SMIM35: variants seen among roughly 807,000 people sequenced by gnomAD.
SMIM35 encodes small integral membrane protein 35, also known as TMPRSS4 antisense RNA 1 (non-protein coding).
chr11:118,034,930 A>G (rs1180989181), intron 1 of SMIM35, among the ~76,000 whole-genome samples: 1 of 151,646 alleles, frequency 6.6e-6, no homozygotes. Flanking sequence ...GGTTATGAAT[A>G]TAAGTGGTGA....
chr11:118,083,799 TA>T (rs1343256656), intron 1 of SMIM35, among the ~76,000 whole-genome samples: 1 of 152,162 alleles, frequency 6.6e-6, no homozygotes, highest in Admixed American at 6.5e-5. Flanking sequence ...CTCACACCTG[TA>T]ATCCCGCTTT....
At position 118,086,770 on chromosome 11, in the gene SMIM35, CAA is replaced by C. The variant is rs1399841829; in HGVS notation, c.-15_-14del. ...CCTTACCTGTCATGGCTGAGACATC[CAA>C]GAGAGAGAGCCCTGTTGCCAGCGCA... On this transcript the variant is annotated 5_prime_UTR_variant, in exon 1 of 5. Transcript: ENST00000689828. 2 of 152,866 alleles carry C rather than the reference CAA, an allele frequency of 1.3e-5. No homozygotes were observed. Among genetic ancestry groups the C allele is most frequent in the African/African-American group, 4.8e-5 (2 of 41,574 alleles). 9.5% of individuals were successfully genotyped at this position (152,866 alleles called of 1,614,324 possible). A position where few individuals can be genotyped will look rare whatever the true frequency, so the allele number is the denominator to read the frequency against.
At chr11:118,074,088 T>G (rs1006529902) in intron 1 of SMIM35, among the ~76,000 whole-genome samples, 1 of 152,078 alleles carries the variant, frequency 6.6e-6, no homozygotes, top group African/African-American at 2.4e-5. Context: ...GGGGCTTTCT[T>G]GAAGAAAAAG....
intron 1 of SMIM35, among the ~76,000 whole-genome samples, chr11:118,030,717 G>A (rs773310777): frequency 1.3e-5 from 2 of 151,986 alleles, no homozygotes; most frequent in Non-Finnish European, 2.9e-5. Context: ...GAAGAGGAAG[G>A]CATAGGGAAT....
At chr11:118,069,390 C>A (rs1325317665) in intron 1 of SMIM35, among the ~76,000 whole-genome samples, 1 of 152,088 alleles carries the variant, frequency 6.6e-6, no homozygotes, top group Non-Finnish European at 1.5e-5. Context: ...TCTCTAACCC[C>A]CTCTCCCTGC....
At chr11:118,015,903 C>A in intron 1 of SMIM35, 94 bp from the exon 2 acceptor site, 1 of 398,834 alleles carries the variant, frequency 2.5e-6, no homozygotes, top group Non-Finnish European at 4.4e-6. Flanking sequence ...CCACTGCCTA[C>A]CAACATAACT....
At chr11:118,018,112 G>A (rs1021983780) in intron 1 of SMIM35, among the ~76,000 whole-genome samples, 1 of 152,160 alleles carries the variant, frequency 6.6e-6, no homozygotes, top group African/African-American at 2.4e-5. Context: ...GTACAAATGA[G>A]GCAGGAGCAT....
intron 1 of SMIM35, chr11:118,059,518 G>A (rs1944366172): frequency 6.6e-6 from 1 of 152,252 alleles, no homozygotes; most frequent in African/African-American, 2.4e-5. Flanking sequence ...CAGAATGTGT[G>A]GAAGGTCTCT....
chr11:118,020,987 C>T (rs2058224119), intron 1 of SMIM35, among the ~76,000 whole-genome samples: 2 of 149,988 alleles, frequency 1.3e-5, no homozygotes, highest in Non-Finnish European at 3.0e-5. Flanking sequence ...ACTGGGATAT[C>T]TTCTTTAACC....
chr11:118,061,723 C>G (rs960841114), intron 1 of SMIM35, among the ~76,000 whole-genome samples: 1 of 152,136 alleles, frequency 6.6e-6, no homozygotes, highest in Non-Finnish European at 1.5e-5. Context: ...CTTGGATCTA[C>G]GGGGCCCATT....
chr11:118,027,096 C>T (rs1432140523), intron 1 of SMIM35, among the ~76,000 whole-genome samples: 4 of 135,700 alleles, frequency 2.9e-5, no homozygotes, highest in African/African-American at 8.4e-5. Context: ...GGCGCAATCT[C>T]GGCTCACTGC....
At chr11:118,031,027 A>G (rs1457654574) in intron 1 of SMIM35, among the ~76,000 whole-genome samples, 2 of 152,162 alleles carry the variant, frequency 1.3e-5, no homozygotes, top group African/African-American at 4.8e-5. Context: ...ATCAATATCG[A>G]TGTTGATTAC....
intron 1 of SMIM35, among the ~76,000 whole-genome samples, chr11:118,053,141 G>C (rs909136461): frequency 6.6e-6 from 1 of 152,040 alleles, no homozygotes; most frequent in Non-Finnish European, 1.5e-5. Flanking sequence ...CCCCCATCTC[G>C]ACTAAAAATA....
At chr11:118,078,360 C>G (rs1944858172) in intron 1 of SMIM35, among the ~76,000 whole-genome samples, 1 of 152,202 alleles carries the variant, frequency 6.6e-6, no homozygotes, top group African/African-American at 2.4e-5. Flanking sequence ...AAGGAGAAGC[C>G]ACTGTCCAAG....
intron 1 of SMIM35, among the ~76,000 whole-genome samples, chr11:118,063,174 A>G (rs1197916938): frequency 1.3e-5 from 2 of 152,246 alleles, no homozygotes; most frequent in East Asian, 1.9e-4. Context: ...TGCTCTGTCT[A>G]TGGAGTAGCC....
intron 1 of SMIM35, among the ~76,000 whole-genome samples, chr11:118,078,747 C>A (rs946084017): frequency 2.0e-5 from 3 of 152,176 alleles, no homozygotes; most frequent in Non-Finnish European, 4.4e-5. Context: ...AGGTCACTAA[C>A]TGCAGAATCA....
intron 1 of SMIM35, among the ~76,000 whole-genome samples, chr11:118,064,612 AG>A (rs1331958770): frequency 1.3e-5 from 2 of 149,704 alleles, no homozygotes; most frequent in Admixed American, 6.7e-5. Context: ...CTGTTTTTTC[AG>A]GGGTGGAGAT....
rs57912361 is a variant in SMIM35 at position 118,053,307 on chromosome 11, AACACACACACACACACACACACAC to A, written c.7+33420_7+33443del. Among the ~76,000 whole-genome samples, 199 of 142,100 alleles carry A rather than the reference AACACACACACACACACACACACAC, an allele frequency of 1.4e-3. 4 individuals carry two copies. Among genetic ancestry groups the A allele is most frequent in the Admixed American group, 0.013 (193 of 14,350 alleles). 93.2% of individuals were successfully genotyped at this position (142,100 alleles called of 152,430 possible). On this transcript the variant is annotated intron_variant, in intron 1 of 4. Transcript: ENST00000689828. Reference sequence around the variant, plus strand: ...TGGGTGACAGAGCAAGACTCTCTAAAACACACACACACACACACACACACACACACACACACACACACACACAAA... The same window carrying A: ...TGGGTGACAGAGCAAGACTCTCTAAAACACACACACACACACACACACAAA...
chr11:118,038,014 AGGGTGAT>A, intron 1 of SMIM35, among the ~76,000 whole-genome samples: 1 of 152,250 alleles, frequency 6.6e-6, no homozygotes, highest in Admixed American at 6.5e-5. Flanking sequence ...TGTGGGGCTG[AGGGTGAT>A]GGTCATGTCC....
Sources: gnomAD v4.1 joint callset for allele counts (sites outside exome capture counted in the v4.1 genomes callset) on GRCh38, gnomAD v4.1.1 for gene constraint, MANE v1.5 for transcripts, NCBI Gene and HGNC (gene_info 2026-07-23, HGNC 2026-07-21) for gene names.